Variants in ENTREP2 observed in about 807,000 individuals in gnomAD.
ENTREP2 encodes protein ENTREP2.
At chr15:29,245,536 T>C in the ENTREP2 span, among the ~76,000 whole-genome samples, 1 of 151,698 alleles carries the variant, frequency 6.6e-6, no homozygotes, top group East Asian at 1.9e-4. Context: ...AAAAGATGCA[T>C]AACAAACTAT....
chr15:29,539,288 A>C, the ENTREP2 span, among the ~76,000 whole-genome samples: 44 of 149,852 alleles, frequency 2.9e-4, no homozygotes, highest in South Asian at 4.2e-4. Flanking sequence ...GAACCAGGCA[A>C]GGCCATGAAC....
At chr15:29,464,182 T>C in the ENTREP2 span, among the ~76,000 whole-genome samples, 6 of 151,702 alleles carry the variant, frequency 4.0e-5, no homozygotes, top group African/African-American at 1.5e-4. Flanking sequence ...CTCTTAAAAA[T>C]GGCTAAGACG....
the ENTREP2 span, among the ~76,000 whole-genome samples, chr15:29,286,327 C>T: frequency 6.6e-6 from 1 of 152,190 alleles, no homozygotes; most frequent in Admixed American, 6.5e-5. Flanking sequence ...ATCAAAGTAG[C>T]TCGATATAAG....
At chr15:29,434,020 T>G in the ENTREP2 span, among the ~76,000 whole-genome samples, 1 of 152,196 alleles carries the variant, frequency 6.6e-6, no homozygotes, top group Non-Finnish European at 1.5e-5. Flanking sequence ...ACCCTCTGTC[T>G]ATCCTAGAGA....
At chr15:29,548,742 C>T in the ENTREP2 span, among the ~76,000 whole-genome samples, 1 of 152,088 alleles carries the variant, frequency 6.6e-6, no homozygotes, top group East Asian at 1.9e-4. Context: ...CCATGAAGCA[C>T]ATAAGAAAAG....
the ENTREP2 span, among the ~76,000 whole-genome samples, chr15:29,509,497 C>T: frequency 9.3e-4 from 142 of 152,272 alleles, 1 homozygote; most frequent in African/African-American, 3.1e-3. Context: ...TACCTGACTT[C>T]AAACTATACT....
At chr15:29,300,427 A>ATGAG in the ENTREP2 span, among the ~76,000 whole-genome samples, 2 of 148,912 alleles carry the variant, frequency 1.3e-5, no homozygotes, top group Non-Finnish European at 3.0e-5. Flanking sequence ...GGATGGATGG[A>ATGAG]TGGATGAGTG....
At chr15:29,154,815 C>A in the ENTREP2 span, among the ~76,000 whole-genome samples, 4 of 152,232 alleles carry the variant, frequency 2.6e-5, no homozygotes, top group African/African-American at 9.6e-5. Flanking sequence ...GCCCAATCCC[C>A]TTCCTCAGAA....
the ENTREP2 span, among the ~76,000 whole-genome samples, chr15:29,190,814 C>CAA: frequency 6.6e-6 from 1 of 152,120 alleles, no homozygotes; most frequent in African/African-American, 2.4e-5. Context: ...ATCAGATAAA[C>CAA]AGAGCCTCAA....
chr15:29,283,733 GA>G, the ENTREP2 span, among the ~76,000 whole-genome samples: 1 of 152,166 alleles, frequency 6.6e-6, no homozygotes. Context: ...TACAGAAATA[GA>G]CTATATAATA....
chr15:29,624,871 T>TTGTGTG, the ENTREP2 span, among the ~76,000 whole-genome samples: 3,939 of 143,670 alleles, frequency 0.027, 65 homozygotes, highest in South Asian at 0.036. Context: ...CTGCATTAAT[T>TTGTGTG]TGTGTGTGTG....
chr15:29,634,170 G>A, the ENTREP2 span, among the ~76,000 whole-genome samples: 3 of 152,068 alleles, frequency 2.0e-5, no homozygotes. Flanking sequence ...CCTGCTGTAG[G>A]GGAGGGTGGC....
At chr15:29,302,194 A>C in the ENTREP2 span, among the ~76,000 whole-genome samples, 1 of 152,208 alleles carries the variant, frequency 6.6e-6, no homozygotes, top group Non-Finnish European at 1.5e-5. Flanking sequence ...TCTTCCAATA[A>C]GACCATGTAA....
At chr15:29,388,753 C>G in the ENTREP2 span, among the ~76,000 whole-genome samples, 1 of 151,932 alleles carries the variant, frequency 6.6e-6, no homozygotes, top group Non-Finnish European at 1.5e-5. Flanking sequence ...AGAAAATATG[C>G]CACATATACA....
At chr15:29,161,328 CAT>C in the ENTREP2 span, among the ~76,000 whole-genome samples, 4 of 152,336 alleles carry the variant, frequency 2.6e-5, no homozygotes, top group South Asian at 8.3e-4. Flanking sequence ...GCTCACCACA[CAT>C]GTGCAGGCAT....
chr15:29,125,323 G>A, the ENTREP2 span, among the ~76,000 whole-genome samples: 3 of 152,174 alleles, frequency 2.0e-5, no homozygotes, highest in Admixed American at 6.5e-5. Context: ...AAGGTTTGAC[G>A]GGACTCTCTC....
At chr15:29,545,104 C>T in the ENTREP2 span, among the ~76,000 whole-genome samples, 1 of 152,210 alleles carries the variant, frequency 6.6e-6, no homozygotes, top group African/African-American at 2.4e-5. Context: ...TTGGGCAGAT[C>T]ATAAAATGTT....
the ENTREP2 span, among the ~76,000 whole-genome samples, chr15:29,338,599 T>C: frequency 6.6e-6 from 1 of 151,856 alleles, no homozygotes; most frequent in Non-Finnish European, 1.5e-5. Flanking sequence ...CATAGGGCAC[T>C]GGTGTCTGGA....
the ENTREP2 span, among the ~76,000 whole-genome samples, chr15:29,549,235 T>C: frequency 6.6e-6 from 1 of 151,902 alleles, no homozygotes; most frequent in Non-Finnish European, 1.5e-5. Context: ...GAATCACAAA[T>C]AAAAGGCGAT....
Sources: gnomAD v4.1 joint callset for allele counts (sites outside exome capture counted in the v4.1 genomes callset) on GRCh38, gnomAD v4.1.1 for gene constraint, MANE v1.5 for transcripts, NCBI Gene and HGNC (gene_info 2026-07-23, HGNC 2026-07-21) for gene names.